NKAIN1: variants seen among roughly 807,000 people sequenced by gnomAD.
The protein encoded by NKAIN1 is sodium/potassium-transporting ATPase subunit beta-1-interacting protein 1.
Under a neutral mutation model 31.6 loss-of-function variants are expected in NKAIN1, and 13 were observed. The ratio of observed to expected loss-of-function variants is 0.41; its 90% CI spans 0.27 to 0.65. The LOEUF (loss-of-function observed/expected upper bound fraction) is 0.65, where lower values mean the gene tolerates loss of function less well. Ranked by LOEUF, NKAIN1 falls within the 30% of genes least tolerant of loss-of-function variation. NKAIN1 has a pLI of 0.30. For synonymous variants in NKAIN1, 104 were observed against 109.0 expected (o/e 0.95, Z 0.28); for missense variants, 193 against 262.2 (o/e 0.74, Z 1.82).
At chr1:31,188,810 T>C (rs1250190155) in intron 1 of NKAIN1, among the ~76,000 whole-genome samples, 1 of 152,068 alleles carries the variant, frequency 6.6e-6, no homozygotes, top group Non-Finnish European at 1.5e-5. Flanking sequence ...GAAAAATGCA[T>C]GCATCCAGTC....
Position 31,181,642 on chromosome 1 carries a change from C to T in NKAIN1, c.*61G>A. The T allele has an allele frequency of 7.0e-7, 1 of 1,422,872 alleles. No homozygotes were observed. Among genetic ancestry groups the T allele is most frequent in the Non-Finnish European group, 9.3e-7 (1 of 1,080,758 alleles). 88.1% of individuals were successfully genotyped at this position (1,422,872 alleles called of 1,614,324 possible). A position where few individuals can be genotyped will look rare whatever the true frequency, so the allele number is the denominator to read the frequency against. On this transcript the variant is annotated 3_prime_UTR_variant, in exon 7 of 7. Coordinates refer to ENST00000373736, the MANE Select transcript of NKAIN1 (RefSeq NM_024522.3). The stretch of plus-strand genomic sequence containing the variant: ...AGGGGGACACGCCTGCGCCTTGGCC[C>T]GAGCTCGCGGCAGCTGCGGTCAGCC...
intron 1 of NKAIN1, among the ~76,000 whole-genome samples, chr1:31,237,744 T>A (rs1645702877): frequency 6.6e-6 from 1 of 152,016 alleles, no homozygotes; most frequent in South Asian, 2.1e-4. Flanking sequence ...GATCTGCCCA[T>A]CTCGCCCTCC....
chr1:31,212,364 G>A (rs1645476238), intron 1 of NKAIN1, among the ~76,000 whole-genome samples: 1 of 151,554 alleles, frequency 6.6e-6, no homozygotes, highest in Non-Finnish European at 1.5e-5. Context: ...AGGAACCATA[G>A]GTATAAATCT....
chr1:31,202,773 T>C lies in NKAIN1; in HGVS notation c.55-14586A>G, dbSNP rs1268669594. On this transcript the variant is annotated intron_variant, in intron 1 of 6. Coordinates refer to ENST00000373736, the MANE Select transcript of NKAIN1 (RefSeq NM_024522.3). Reference sequence around the variant, plus strand: ...GTGGGCGGATCACGAGGTCAAGAGATTGAGACCATCCTGGCCAACATGGTG... The same window carrying C: ...GTGGGCGGATCACGAGGTCAAGAGACTGAGACCATCCTGGCCAACATGGTG... Among the ~76,000 whole-genome samples, 3 of 149,428 alleles carry C rather than the reference T, an allele frequency of 2.0e-5. No homozygotes were observed. In the East Asian group the frequency reaches 5.8e-4, roughly 29 times the overall value.
intron 1 of NKAIN1, among the ~76,000 whole-genome samples, chr1:31,228,442 G>A (rs1645623957): frequency 2.0e-5 from 3 of 152,126 alleles, no homozygotes; most frequent in Admixed American, 2.0e-4. Flanking sequence ...AGTATGCTAA[G>A]GAGAGGGGAC....
At chr1:31,211,413 T>TTA (rs1246378476) in intron 1 of NKAIN1, among the ~76,000 whole-genome samples, 2 of 152,080 alleles carry the variant, frequency 1.3e-5, no homozygotes, top group African/African-American at 4.8e-5. Flanking sequence ...TACAATAGCA[T>TTA]CAAAAAGAAG....
At chr1:31,183,738 G>A (rs1645220981) in intron 4 of NKAIN1, 79 bp downstream of exon 4, 1 of 1,468,764 alleles carries the variant, frequency 6.8e-7, no homozygotes, top group South Asian at 1.3e-5. Context: ...GTGAGCCACT[G>A]CGCCCAACCC....
intron 1 of NKAIN1, among the ~76,000 whole-genome samples, chr1:31,223,192 C>T (rs1040538297): frequency 6.6e-6 from 1 of 152,028 alleles, no homozygotes; most frequent in Non-Finnish European, 1.5e-5. Context: ...GCCTGGCCAA[C>T]ATGGCAAAAC....
At chr1:31,187,108 G>A (rs978923924) in intron 2 of NKAIN1, among the ~76,000 whole-genome samples, 14 of 152,178 alleles carry the variant, frequency 9.2e-5, no homozygotes, top group Non-Finnish European at 1.9e-4. Context: ...CCTTGTTAGG[G>A]TCCTGTTCAC....
chr1:31,189,562 C>T (rs1246310789), intron 1 of NKAIN1, among the ~76,000 whole-genome samples: 2 of 152,180 alleles, frequency 1.3e-5, no homozygotes, highest in Non-Finnish European at 2.9e-5. Flanking sequence ...AATGATCCAC[C>T]CACCTCAGCC....
At chr1:31,191,844 A>ACAGCTC (rs1344642890) in intron 1 of NKAIN1, among the ~76,000 whole-genome samples, 2 of 152,202 alleles carry the variant, frequency 1.3e-5, no homozygotes, top group Non-Finnish European at 2.9e-5. Flanking sequence ...TGTGGTGATC[A>ACAGCTC]CAGCTCACTG....
In NKAIN1 at chr1:31,207,286, GCT is replaced by G. The variant is rs113989509; in HGVS notation, c.55-19101_55-19100del. ...CTCTGTTCTTTAATTTCAAATCCCG[GCT>G]CTGTCATTTATTAGCCAACTGTAAA... On this transcript the variant is annotated intron_variant, in intron 1 of 6. Transcript: ENST00000373736. 2.4e-3 allele frequency among the ~76,000 whole-genome samples: 358 copies of G among 152,214 alleles called. 6 individuals are homozygous for G. Among genetic ancestry groups the G allele is most frequent in the African/African-American group, 8.4e-3 (349 of 41,532 alleles).
At chr1:31,207,466 T>C (rs16834237) in intron 1 of NKAIN1, among the ~76,000 whole-genome samples, 6,469 of 152,266 alleles carry the variant, frequency 0.042, 382 homozygotes, top group African/African-American at 0.13. Flanking sequence ...TGGGCCTGTG[T>C]TGCTCATACA....
chr1:31,200,194 G>A (rs1490949208), intron 1 of NKAIN1, among the ~76,000 whole-genome samples: 3 of 152,200 alleles, frequency 2.0e-5, no homozygotes, highest in Non-Finnish European at 4.4e-5. Context: ...ACTGGGAAAT[G>A]GCCACGGCCA....
intron 1 of NKAIN1, among the ~76,000 whole-genome samples, chr1:31,231,675 C>CAT: frequency 6.9e-6 from 1 of 144,758 alleles, no homozygotes; most frequent in South Asian, 2.3e-4. Context: ...GAACTACAGG[C>CAT]GCCCGCCACC....
rs541203795 is a variant in NKAIN1, at chr1:31,188,608, G to C, written c.55-421C>G. Among the ~76,000 whole-genome samples the C allele has an allele frequency of 2.0e-5, 3 of 152,286 alleles. No individual in the cohort carries two copies. The South Asian group carries it at 6.2e-4, about 32-fold the overall frequency. Reference sequence around the variant, plus strand: ...GCCCATGGCATTCCTGGGCTACAGAGAAGGAATGCTTTTCACTCCCCTTCC... The same window carrying C: ...GCCCATGGCATTCCTGGGCTACAGACAAGGAATGCTTTTCACTCCCCTTCC... On this transcript the variant is annotated intron_variant, in intron 1 of 6. Transcript: ENST00000373736.
chr1:31,190,072 T>G (rs753750825), intron 1 of NKAIN1, among the ~76,000 whole-genome samples: 6 of 151,948 alleles, frequency 3.9e-5, no homozygotes, highest in Non-Finnish European at 7.4e-5. Context: ...CAACAAAGAG[T>G]CCTAACTACA....
At chr1:31,226,917 G>A (rs1195708949) in intron 1 of NKAIN1, among the ~76,000 whole-genome samples, 2 of 151,824 alleles carry the variant, frequency 1.3e-5, no homozygotes, top group Non-Finnish European at 2.9e-5. Flanking sequence ...TCTGCCTCTC[G>A]GGTTCAAGGT....
intron 1 of NKAIN1, among the ~76,000 whole-genome samples, chr1:31,214,909 C>T (rs1183789779): frequency 6.6e-6 from 1 of 152,186 alleles, no homozygotes; most frequent in Non-Finnish European, 1.5e-5. Context: ...ACAGAGAAAG[C>T]AGCCTGGGAT....
Sources: gnomAD v4.1 joint callset for allele counts (sites outside exome capture counted in the v4.1 genomes callset) on GRCh38, gnomAD v4.1.1 for gene constraint, MANE v1.5 for transcripts, NCBI Gene and HGNC (gene_info 2026-07-23, HGNC 2026-07-21) for gene names.